Variants in RECK observed in about 807,000 individuals in gnomAD.
The protein encoded by RECK is reversion inducing cysteine rich protein with kazal motifs.
Under a neutral mutation model 115.1 loss-of-function variants are expected in RECK, and 69 were observed. The observed-to-expected ratio is 0.60, with a 90% CI of 0.49 to 0.73. RECK has a LOEUF of 0.73. Among genes scored for constraint, RECK ranks in the 30% least tolerant of loss-of-function variants. The pLI, the probability that RECK is intolerant of heterozygous loss-of-function variation, is 0.00. For missense variants in RECK, 1,047 were observed against 1,203.7 expected (o/e 0.87, Z 1.93); for synonymous variants, 414 against 419.7 (o/e 0.99, Z 0.17).
Position 36,102,091 on chromosome 9 carries a change from A to C in RECK, c.1299-3A>C, listed in dbSNP as rs140438492. ...CTAAACTTACGTGCATTTTTTTTTC[A>C]AGATCAGATTGTGTGGAGATTCTTA... On this transcript the variant is annotated splice_polypyrimidine_tract_variant and splice_region_variant and intron_variant, in intron 11 of 20. Coordinates refer to ENST00000377966, the MANE Select transcript of RECK (RefSeq NM_021111.3). 1,644 of 1,605,044 alleles carry C rather than the reference A, an allele frequency of 1.0e-3. 20 individuals carry two copies. The African/African-American group carries it at 0.02, about 19-fold the overall frequency.
chr9:36,111,252 A>G (rs915992607), intron 15 of RECK, among the ~76,000 whole-genome samples: 2 of 152,222 alleles, frequency 1.3e-5, no homozygotes, highest in Non-Finnish European at 2.9e-5. Flanking sequence ...AAACTGTGCC[A>G]CATTTCTTGG....
intron 6 of RECK, among the ~76,000 whole-genome samples, chr9:36,072,338 A>G (rs1184365615): frequency 6.6e-6 from 1 of 152,220 alleles, no homozygotes; most frequent in African/African-American, 2.4e-5. Flanking sequence ...GAGCAGGGAT[A>G]TCAGGACCAA....
chr9:36,088,094 C>T (rs1055869424), intron 9 of RECK, 133 bp downstream of exon 9: 38 of 676,334 alleles, frequency 5.6e-5, no homozygotes, highest in Non-Finnish European at 4.0e-5. Flanking sequence ...AATATTATTT[C>T]ATCCAACAAA....
chr9:36,113,491 G>A (rs1824142775), intron 16 of RECK, among the ~76,000 whole-genome samples: 1 of 152,210 alleles, frequency 6.6e-6, no homozygotes, highest in South Asian at 2.1e-4. Context: ...GTGTTGGGAG[G>A]TAGAATTGAG....
chr9:36,122,955 GGC>G lies in RECK; in HGVS notation c.2827_2828del (p.Ala943ArgfsTer28). On this transcript the variant is annotated frameshift_variant, in exon 21 of 21. Coordinates refer to ENST00000377966, the MANE Select transcript of RECK (RefSeq NM_021111.3). LOFTEE classifies it low-confidence loss of function (END_TRUNC). ...QVQVSSSVPSAGVRARPSCHS... is the reference protein window; with the variant it reads ...QVQVSSSVPSXGVRARPSCHS... Reference sequence around the variant, plus strand: ...TACAGGTCTCCAGCAGTGTGCCATCGGCCGGTGTCAGGGCCAGGCCTTCTTGC... The same window carrying G: ...TACAGGTCTCCAGCAGTGTGCCATCGCGGTGTCAGGGCCAGGCCTTCTTGC... The G allele has an allele frequency of 6.2e-7, 1 of 1,614,110 alleles. No homozygotes were observed. Among genetic ancestry groups the G allele is most frequent in the Non-Finnish European group, 8.5e-7 (1 of 1,180,040 alleles).
intron 12 of RECK, among the ~76,000 whole-genome samples, chr9:36,104,308 ATATATATATATATATATATTTTTTTTTT>A (rs1823689557): frequency 3.5e-5 from 2 of 57,460 alleles, no homozygotes; most frequent in East Asian, 1.1e-3. Context: ...ATATATATAT[ATATATATATATATATATATTTTTTTTTT>A]TTTTTTTTTT....
intron 9 of RECK, 42 bp from the exon 10 acceptor site, chr9:36,091,122 G>A (rs764950900): frequency 5.7e-6 from 9 of 1,575,406 alleles, no homozygotes; most frequent in Non-Finnish European, 7.8e-6. Context: ...ATATTTACTT[G>A]GTTGGCTCAT....
chr9:36,063,962 C>T, intron 5 of RECK, 82 bp downstream of exon 5: 1 of 1,344,402 alleles, frequency 7.4e-7, no homozygotes, highest in South Asian at 1.2e-5. Flanking sequence ...CCTTGCCCAC[C>T]TCCTAGCTTT....
chr9:36,118,887 AGCACAGCTCCGTCGCCGAGTGT>A lies in RECK; in HGVS notation c.2387_2408del (p.His796LeufsTer30), dbSNP rs779906029. On this transcript the variant is annotated frameshift_variant, in exon 18 of 21. Transcript: ENST00000377966. LOFTEE classifies it high-confidence loss of function. ...TGCCAGGCCGTCGGAGTCCTCTCAG[AGCACAGCTCCGTCGCCGAGTGT>A]GCTTCTGTCAAGTGTCCTTCGCTCT... 6.2e-7 allele frequency: 1 copy of A among 1,613,952 alleles called. No individual in the cohort carries two copies. Among genetic ancestry groups the A allele is most frequent in the Middle Eastern group, 1.7e-4 (1 of 5,894 alleles).
intron 1 of RECK, among the ~76,000 whole-genome samples, chr9:36,041,704 A>G (rs1820871728): frequency 2.0e-5 from 3 of 151,816 alleles, no homozygotes; most frequent in Admixed American, 2.0e-4. Flanking sequence ...TTTTAGAGAC[A>G]GTCTTTATCT....
At chr9:36,114,226 G>C (rs1322770321) in intron 16 of RECK, among the ~76,000 whole-genome samples, 1 of 152,206 alleles carries the variant, frequency 6.6e-6, no homozygotes, top group Non-Finnish European at 1.5e-5. Context: ...ATTCCAGGGA[G>C]ACTGGGAGAT....
intron 1 of RECK, among the ~76,000 whole-genome samples, chr9:36,038,079 G>T (rs1191786638): frequency 6.6e-6 from 1 of 151,616 alleles, no homozygotes; most frequent in Non-Finnish European, 1.5e-5. Context: ...TTGGGAGGTG[G>T]AGGCGGGCGG....
intron 10 of RECK, among the ~76,000 whole-genome samples, chr9:36,099,071 C>T (rs901728066): frequency 6.6e-6 from 1 of 152,022 alleles, no homozygotes; most frequent in African/African-American, 2.4e-5. Flanking sequence ...AAAGAAAATA[C>T]AAAAATTAAC....
At chr9:36,042,809 TC>T (rs1478789588) in intron 1 of RECK, among the ~76,000 whole-genome samples, 1 of 152,124 alleles carries the variant, frequency 6.6e-6, no homozygotes, top group Non-Finnish European at 1.5e-5. Context: ...GTAAAAGTGT[TC>T]CCTTTTCACC....
chr9:36,057,038 T>C (rs1821555133), intron 2 of RECK: 1 of 984,198 alleles, frequency 1.0e-6, no homozygotes, highest in Non-Finnish European at 1.2e-6. Flanking sequence ...CTGTCTGATA[T>C]GTGTAATGAT....
intron 18 of RECK, 79 bp from the exon 19 acceptor site, chr9:36,120,584 G>A (rs1824423585): frequency 8.5e-7 from 1 of 1,179,788 alleles, no homozygotes. Flanking sequence ...CAAAATGAAG[G>A]GCTGGACATT....
chr9:36,107,315 C>T (rs116361480), intron 13 of RECK, among the ~76,000 whole-genome samples: 3,842 of 151,998 alleles, frequency 0.025, 174 homozygotes, highest in African/African-American at 0.088. Context: ...ACTGGCCAGG[C>T]GCGGTAGCTC....
chr9:36,095,770 A>G (rs1449184927), intron 10 of RECK, among the ~76,000 whole-genome samples: 1 of 151,052 alleles, frequency 6.6e-6, no homozygotes, highest in Admixed American at 6.6e-5. Context: ...AACACCATCA[A>G]TCAAAAATAC....
intron 6 of RECK, among the ~76,000 whole-genome samples, chr9:36,078,027 A>AT (rs76629193): frequency 0.31 from 46,387 of 152,088 alleles, 8,445 homozygotes; most frequent in Middle Eastern, 0.47. Context: ...CTTAAAAAAA[A>AT]TTTTTTAATT....
Sources: gnomAD v4.1 joint callset for allele counts (sites outside exome capture counted in the v4.1 genomes callset) on GRCh38, gnomAD v4.1.1 for gene constraint, MANE v1.5 for transcripts, NCBI Gene and HGNC (gene_info 2026-07-23, HGNC 2026-07-21) for gene names.